EVI5: variants seen among roughly 807,000 people sequenced by gnomAD.
EVI5 encodes ecotropic viral integration site 5.
In EVI5, 73 loss-of-function variants were observed where a neutral mutation model predicts 112.0. The observed-to-expected ratio is 0.65, with a 90% CI of 0.54 to 0.79. EVI5 has a LOEUF of 0.79. Ranked by LOEUF, EVI5 falls within the 30% of genes least tolerant of loss-of-function variation. The pLI, the probability that EVI5 is intolerant of heterozygous loss-of-function variation, is 0.00. For synonymous variants in EVI5, 305 were observed against 319.9 expected (o/e 0.95, Z 0.50); for missense variants, 900 against 968.8 (o/e 0.93, Z 0.94).
intron 1 of EVI5, among the ~76,000 whole-genome samples, chr1:92,775,280 T>C (rs746110562): frequency 6.6e-6 from 1 of 152,056 alleles, no homozygotes. Flanking sequence ...ATGTAGAAAT[T>C]AGCCATGTGT....
At chr1:92,615,413 C>T (rs57077167) in intron 16 of EVI5, among the ~76,000 whole-genome samples, 1,706 of 152,172 alleles carry the variant, frequency 0.011, 34 homozygotes, top group African/African-American at 0.039. Flanking sequence ...TGACCTGCAA[C>T]GAAAGATGCA....
At chr1:92,791,400 C>T (rs750100149) in intron 1 of EVI5, among the ~76,000 whole-genome samples, 12 of 152,152 alleles carry the variant, frequency 7.9e-5, no homozygotes, top group Non-Finnish European at 1.3e-4. Context: ...ATAATATCTA[C>T]TTAAGCACTG....
In EVI5 at chr1:92,718,080, A is replaced by T. The variant is rs150677814; in HGVS notation, c.150-13336T>A. Among the ~76,000 whole-genome samples, 79 of 152,346 alleles carry T rather than the reference A, an allele frequency of 5.2e-4. 1 individual carries two copies. The East Asian group carries it at 0.013, about 25-fold the overall frequency. On this transcript the variant is annotated intron_variant, in intron 2 of 19. Transcript: ENST00000684568. ...GAGACCTACAGAGACTTAGACTCCCACACAATAATAACAGGAGACTTTAAC... is the reference window on the plus strand; with the variant it reads ...GAGACCTACAGAGACTTAGACTCCCTCACAATAATAACAGGAGACTTTAAC...
At chr1:92,700,189 A>G (rs1432167513) in intron 5 of EVI5, among the ~76,000 whole-genome samples, 1 of 152,246 alleles carries the variant, frequency 6.6e-6, no homozygotes, top group African/African-American at 2.4e-5. Context: ...GTGCTGCTAC[A>G]TAACTTTCTC....
chr1:92,789,859 G>C (rs1685957608), upstream of EVI5, among the ~76,000 whole-genome samples: 1 of 152,176 alleles, frequency 6.6e-6, no homozygotes, highest in African/African-American at 2.4e-5. Context: ...AAGGTACAAA[G>C]AAGGAACTCA....
intron 19 of EVI5, among the ~76,000 whole-genome samples, chr1:92,529,262 A>T (rs1429247020): frequency 6.6e-6 from 1 of 152,210 alleles, no homozygotes; most frequent in Non-Finnish European, 1.5e-5. Context: ...ACTCTTCAAC[A>T]TATTATGCTC....
chr1:92,662,305 T>A (rs897463531), intron 13 of EVI5, among the ~76,000 whole-genome samples: 1 of 152,186 alleles, frequency 6.6e-6, no homozygotes, highest in African/African-American at 2.4e-5. Flanking sequence ...TAACTGCATA[T>A]ATTCTGCATG....
At chr1:92,525,105 C>A (rs555027156) in intron 19 of EVI5, among the ~76,000 whole-genome samples, 4 of 151,320 alleles carry the variant, frequency 2.6e-5, no homozygotes, top group African/African-American at 9.7e-5. Context: ...TGGGATTACA[C>A]GCAGGAATCA....
At chr1:92,597,412 A>G (rs1648160682) in intron 18 of EVI5, among the ~76,000 whole-genome samples, 1 of 152,220 alleles carries the variant, frequency 6.6e-6, no homozygotes, top group African/African-American at 2.4e-5. Context: ...CATTAATACC[A>G]ACAATAAATA....
At chr1:92,548,745 T>A (rs1332328946) in intron 19 of EVI5, among the ~76,000 whole-genome samples, 1 of 152,102 alleles carries the variant, frequency 6.6e-6, no homozygotes, top group Non-Finnish European at 1.5e-5. Flanking sequence ...TCCTATTCAC[T>A]ATTGCTTCAA....
rs569566622 is a variant in EVI5, at chr1:92,702,129, A to T, written c.639+12T>A. The T allele has an allele frequency of 7.4e-7, 1 of 1,351,278 alleles. No individual in the cohort carries two copies. Among genetic ancestry groups the T allele is most frequent in the Admixed American group, 2.4e-5 (1 of 42,264 alleles). The allele number at this position is 1,351,278 out of a possible 1,614,324, so 83.7% of individuals were successfully genotyped here. A position where few individuals can be genotyped will look rare whatever the true frequency, so the allele number is the denominator to read the frequency against. On this transcript the variant is annotated intron_variant, in intron 5 of 19. Transcript: ENST00000684568. ...AAATTTCATTGGACATTTAATACTT[A>T]TATTAACTTACCTGCATAAGCAACA... is the stretch of plus-strand genomic sequence containing the variant.
intron 2 of EVI5, among the ~76,000 whole-genome samples, chr1:92,721,858 A>G (rs981942725): frequency 6.6e-6 from 1 of 152,154 alleles, no homozygotes; most frequent in Non-Finnish European, 1.5e-5. Flanking sequence ...GTAATTACTG[A>G]TCACAACCGT....
intron 2 of EVI5, chr1:92,732,281 T>C: frequency 2.7e-6 from 1 of 373,752 alleles, no homozygotes; most frequent in East Asian, 8.5e-5. Context: ...CCATCATCAG[T>C]CAGATCACAA....
rs527567741 is a variant in EVI5, at chr1:92,720,686, A to G, written c.149+15712T>C. ...CAAAATTAACAAATGGGATCTAATT[A>G]AACTAAAGAGCTTCTGCACAGCAAA... On this transcript the variant is annotated intron_variant, in intron 2 of 19. Coordinates refer to ENST00000684568, the MANE Select transcript of EVI5 (RefSeq NM_001350197.2). Among the ~76,000 whole-genome samples, 455 of 152,348 alleles carry G rather than the reference A, an allele frequency of 3.0e-3. 2 individuals carry two copies. The highest frequency in any genetic ancestry group is 0.01 in the African/African-American group (428 of 41,590).
chr1:92,561,616 T>TCTAATGTATC (rs1557790431), intron 19 of EVI5, among the ~76,000 whole-genome samples: 12 of 83,826 alleles, frequency 1.4e-4, no homozygotes, highest in Non-Finnish European at 1.8e-4. Context: ...ATCCTATCTA[T>TCTAATGTATC]CTATCTATCT....
rs574339087 is a variant in EVI5, at chr1:92,592,292, A to G, written c.2070+13015T>C. On this transcript the variant is annotated intron_variant, in intron 18 of 19. Transcript: ENST00000684568. ...CACTCAAAACTGCTCAACTACATGGAAACTGAACAACCTGCTCCTGAATGA... is the reference window on the plus strand; with the variant it reads ...CACTCAAAACTGCTCAACTACATGGGAACTGAACAACCTGCTCCTGAATGA... 1.9e-3 allele frequency among the ~76,000 whole-genome samples: 288 copies of G among 152,348 alleles called. 2 individuals carry two copies. The highest frequency in any genetic ancestry group is 3.2e-3 in the Non-Finnish European group (219 of 68,030).
chr1:92,694,130 T>G (rs903280980), intron 8 of EVI5, among the ~76,000 whole-genome samples, 169 bp downstream of exon 8: 2 of 151,896 alleles, frequency 1.3e-5, no homozygotes, highest in Non-Finnish European at 2.9e-5. Flanking sequence ...GGTGTAGTGG[T>G]GCATGCTTGT....
At chr1:92,645,621 C>T (rs1660792508) in intron 13 of EVI5, among the ~76,000 whole-genome samples, 1 of 152,144 alleles carries the variant, frequency 6.6e-6, no homozygotes, top group Non-Finnish European at 1.5e-5. Flanking sequence ...ACTAGAGGAA[C>T]ATAAAGAACC....
intron 17 of EVI5, 139 bp downstream of exon 17, chr1:92,607,442 C>A: frequency 3.4e-6 from 2 of 587,766 alleles, no homozygotes; most frequent in East Asian, 3.4e-5. Flanking sequence ...AAGCAACTAC[C>A]AAAACAAGTT....
Sources: allele counts gnomAD v4.1 joint callset (sites outside exome capture counted in the v4.1 genomes callset), GRCh38; gene constraint gnomAD v4.1.1; transcripts MANE v1.5; gene names NCBI Gene and HGNC (gene_info 2026-07-23, HGNC 2026-07-21).